Variants in RORA observed in about 807,000 individuals in gnomAD.
RORA encodes the protein nuclear receptor ROR-alpha.
In RORA, 7 loss-of-function variants were observed where a neutral mutation model predicts 69.5. The observed-to-expected ratio is 0.10, with a 90% CI of 0.06 to 0.19. The LOEUF (loss-of-function observed/expected upper bound fraction) is 0.19, where lower values mean the gene tolerates loss of function less well. RORA is among the 10% of genes least tolerant of loss of function. The probability of loss-of-function intolerance (pLI) is 1.00; values close to 1 mark genes in which losing one functional copy is unlikely to be tolerated. For missense variants in RORA, 457 were observed against 663.0 expected (o/e 0.69, Z 3.41); for synonymous variants, 261 against 240.8 (o/e 1.08, Z -0.78).
At chr15:60,541,754 AT>A (rs151192191) in intron 2 of RORA, among the ~76,000 whole-genome samples, 4 of 152,210 alleles carry the variant, frequency 2.6e-5, no homozygotes, top group Non-Finnish European at 4.4e-5. Flanking sequence ...CATAAATGTC[AT>A]TTTTTTCCCC....
chr15:60,697,884 T>C (rs1162052716), intron 1 of RORA, among the ~76,000 whole-genome samples: 1 of 152,182 alleles, frequency 6.6e-6, no homozygotes, highest in African/African-American at 2.4e-5. Context: ...CACAGAGTTA[T>C]ACCTCTCAGT....
At chr15:60,991,403 GAGAGGTCAAT>G (rs752613647) in intron 1 of RORA, among the ~76,000 whole-genome samples, 3 of 152,154 alleles carry the variant, frequency 2.0e-5, no homozygotes, top group South Asian at 2.1e-4. Flanking sequence ...GCTTCAGTTA[GAGAGGTCAAT>G]AGAGGATGTT....
chr15:60,776,255 G>C (rs1050215532), intron 1 of RORA, among the ~76,000 whole-genome samples: 2 of 152,208 alleles, frequency 1.3e-5, no homozygotes, highest in African/African-American at 2.4e-5. Flanking sequence ...ACACACTTCA[G>C]ACTGAATCTT....
intron 1 of RORA, among the ~76,000 whole-genome samples, chr15:61,032,348 C>T (rs1038303626): frequency 6.6e-6 from 1 of 152,184 alleles, no homozygotes; most frequent in African/African-American, 2.4e-5. Flanking sequence ...AAGTAGAATC[C>T]TGCAAATAGT....
At chr15:61,095,665 C>A (rs2078778667) in intron 1 of RORA, among the ~76,000 whole-genome samples, 1 of 152,162 alleles carries the variant, frequency 6.6e-6, no homozygotes, top group South Asian at 2.1e-4. Flanking sequence ...GCAGCAGAAC[C>A]CTTTGCTTAA....
At chr15:61,030,992 C>A (rs1366315938) in intron 1 of RORA, among the ~76,000 whole-genome samples, 3 of 151,968 alleles carry the variant, frequency 2.0e-5, no homozygotes, top group Admixed American at 6.6e-5. Context: ...AATTAAAAAA[C>A]CCAGGTTATT....
intron 1 of RORA, among the ~76,000 whole-genome samples, chr15:61,162,281 G>T (rs1156811220): frequency 6.6e-6 from 1 of 152,182 alleles, no homozygotes; most frequent in Non-Finnish European, 1.5e-5. Flanking sequence ...AGATGTGTCT[G>T]GTAACCACAT....
intron 1 of RORA, among the ~76,000 whole-genome samples, chr15:61,097,155 T>C (rs2078802642): frequency 6.6e-6 from 1 of 151,936 alleles, no homozygotes; most frequent in South Asian, 2.1e-4. Flanking sequence ...GTGGAAGAGC[T>C]TGTGGAGGAA....
At chr15:61,095,261 C>T (rs1376367980) in intron 1 of RORA, among the ~76,000 whole-genome samples, 4 of 151,892 alleles carry the variant, frequency 2.6e-5, no homozygotes, top group Non-Finnish European at 5.9e-5. Flanking sequence ...AGGGTATATG[C>T]CGAGATGATC....
chr15:61,071,640 GGA>G (rs1290679265), intron 1 of RORA, among the ~76,000 whole-genome samples: 1 of 45,206 alleles, frequency 2.2e-5, no homozygotes, highest in Non-Finnish European at 4.3e-5. Flanking sequence ...AGAGGGGAGG[GGA>G]GAGGGGAGGG....
chr15:61,204,522 T>C (rs915916474), intron 1 of RORA, among the ~76,000 whole-genome samples: 4 of 152,118 alleles, frequency 2.6e-5, no homozygotes, highest in African/African-American at 9.7e-5. Flanking sequence ...GAAGGACAGA[T>C]GAAAGATGAG....
intron 1 of RORA, among the ~76,000 whole-genome samples, chr15:60,795,021 A>T (rs1037319170): frequency 6.6e-6 from 1 of 152,138 alleles, no homozygotes; most frequent in Admixed American, 6.5e-5. Context: ...CTGCTTCTCA[A>T]TTACATAAAA....
intron 2 of RORA, among the ~76,000 whole-genome samples, chr15:60,669,571 T>G (rs568807224): frequency 2.6e-5 from 4 of 152,196 alleles, no homozygotes; most frequent in African/African-American, 9.7e-5. Flanking sequence ...ACATTGGTTA[T>G]GAGAGAAAGC....
intron 2 of RORA, among the ~76,000 whole-genome samples, chr15:60,644,348 G>C (rs1028658699): frequency 6.6e-6 from 1 of 152,140 alleles, no homozygotes; most frequent in Non-Finnish European, 1.5e-5. Flanking sequence ...GAAACTTGAG[G>C]TTTTTGCCCC....
chr15:61,220,023 C>G lies in RORA; in HGVS notation c.166+9030G>C, dbSNP rs111766791. Among the ~76,000 whole-genome samples, 520 of 152,302 alleles carry G rather than the reference C, an allele frequency of 3.4e-3. 5 individuals are homozygous for G. The highest frequency in any genetic ancestry group is 0.012 in the African/African-American group (496 of 41,542). On this transcript the variant is annotated intron_variant, in intron 1 of 10. Transcript: ENST00000335670. Reference sequence around the variant, plus strand: ...TCACACTGTGAAATTTTACAGCTTGCAGGTTAACAGCCTGGTCTATAGAAA... The same window carrying G: ...TCACACTGTGAAATTTTACAGCTTGGAGGTTAACAGCCTGGTCTATAGAAA...
At chr15:61,079,047 C>G (rs1234728424) in intron 1 of RORA, among the ~76,000 whole-genome samples, 1 of 152,076 alleles carries the variant, frequency 6.6e-6, no homozygotes, top group Non-Finnish European at 1.5e-5. Flanking sequence ...CACATGCCTC[C>G]CACTCTGCCT....
At chr15:61,218,674 T>TCTCACACA (rs141433115) in intron 1 of RORA, among the ~76,000 whole-genome samples, 135 of 142,948 alleles carry the variant, frequency 9.4e-4, no homozygotes, top group African/African-American at 3.3e-3. Flanking sequence ...CTAATATAAC[T>TCTCACACA]CACACACACA....
rs573040556 is a variant in RORA at position 60,488,459 on chromosome 15, A to T, written c.*8996T>A. On this transcript the variant is annotated 3_prime_UTR_variant, in exon 11 of 11. Transcript: ENST00000335670. ...TTGGAGTATTTAAAAGACAACATTAAATCTCTCTTTTTTGTACAGCTTGTA... is the reference window on the plus strand; with the variant it reads ...TTGGAGTATTTAAAAGACAACATTATATCTCTCTTTTTTGTACAGCTTGTA... 1.3e-5 allele frequency: 2 copies of T among 152,326 alleles called. No individual in the cohort carries two copies. Among genetic ancestry groups the T allele is most frequent in the Non-Finnish European group, 2.9e-5 (2 of 68,030 alleles). 9.4% of individuals were successfully genotyped at this position (152,326 alleles called of 1,614,324 possible).
At chr15:60,703,994 T>G (rs759421179) in intron 1 of RORA, among the ~76,000 whole-genome samples, 6 of 152,248 alleles carry the variant, frequency 3.9e-5, no homozygotes, top group African/African-American at 7.2e-5. Context: ...ATAATTGTTA[T>G]AGTGAGTATT....
Sources: allele counts gnomAD v4.1 joint callset (sites outside exome capture counted in the v4.1 genomes callset), GRCh38; gene constraint gnomAD v4.1.1; transcripts MANE v1.5; gene names NCBI Gene and HGNC (gene_info 2026-07-23, HGNC 2026-07-21).